The following MKLN1 variants were observed in gnomAD, a reference collection of about 807,000 sequenced individuals.
The protein encoded by MKLN1 is muskelin.
MKLN1 carries 18 observed loss-of-function variants against 99.0 expected under a neutral mutation model. The ratio of observed to expected loss-of-function variants is 0.18; its 90% confidence interval spans 0.13 to 0.27. The LOEUF is 0.27. MKLN1 is among the 10% of genes least tolerant of loss of function. The pLI, the probability that MKLN1 is intolerant of heterozygous loss-of-function variation, is 1.00. For missense variants in MKLN1, 621 were observed against 875.9 expected, an observed-to-expected ratio of 0.71 and a Z score of 3.67; for synonymous variants, 288 against 293.2, an observed-to-expected ratio of 0.98 and a Z score of 0.18.
intron 1 of MKLN1, among the ~76,000 whole-genome samples, chr7:131,120,961 G>T (rs2116194524): frequency 6.6e-6 from 1 of 152,272 alleles, no homozygotes. Context: ...GTATTAGTCT[G>T]TTCTCACACT....
At chr7:131,273,365 A>C (rs1420235923) in intron 3 of MKLN1, among the ~76,000 whole-genome samples, 1 of 152,120 alleles carries the variant, frequency 6.6e-6, no homozygotes, top group African/African-American at 2.4e-5. Context: ...TTTTAGCATC[A>C]GATTTCCCTG....
Position 131,473,728 on chromosome 7 carries a change from G to A in MKLN1, c.2031+2784G>A, listed in dbSNP as rs577959001. 1.4e-4 allele frequency among the ~76,000 whole-genome samples: 21 copies of A among 152,236 alleles called. No homozygotes were observed. The South Asian group carries it at 4.1e-3, about 30-fold the overall frequency. On this transcript the variant is annotated intron_variant, in intron 16 of 17. Coordinates refer to ENST00000352689, the MANE Select transcript of MKLN1 (RefSeq NM_013255.5). ...GTTGTGTATCGATTCCCCATAATAGGTCAGGCATTCTAGGCAGAGGAGCTG... is the reference window on the plus strand; with the variant it reads ...GTTGTGTATCGATTCCCCATAATAGATCAGGCATTCTAGGCAGAGGAGCTG...
chr7:131,306,957 A>C (rs1395192112), intron 3 of MKLN1, among the ~76,000 whole-genome samples: 1 of 152,174 alleles, frequency 6.6e-6, no homozygotes, highest in Admixed American at 6.5e-5. Context: ...GAGGCCTAGG[A>C]GGGAAAAATG....
intron 3 of MKLN1, among the ~76,000 whole-genome samples, chr7:131,239,445 A>G (rs919463670): frequency 1.3e-5 from 2 of 151,916 alleles, no homozygotes; most frequent in Non-Finnish European, 2.9e-5. Context: ...TCAGCCTCCC[A>G]AGTAGCTAGG....
In MKLN1 at chr7:131,161,959, GTGTGTATATATATATATA is replaced by G. The variant is rs765412613; in HGVS notation, c.-297+19020_-297+19037del. ...TATACACATATATATACGTGTGTGT[GTGTGTATATATATATATA>G]TATATATATATATATATATATATGT... On this transcript the variant is annotated intron_variant, in intron 2 of 7. Transcript: ENST00000416992. 2.0e-3 allele frequency among the ~76,000 whole-genome samples: 137 copies of G among 67,832 alleles called. 2 individuals carry two copies. Among genetic ancestry groups the G allele is most frequent in the African/African-American group, 6.2e-3 (122 of 19,636 alleles). 44.5% of individuals were successfully genotyped at this position (67,832 alleles called of 152,430 possible). A position where few individuals can be genotyped will look rare whatever the true frequency, so the allele number is the denominator to read the frequency against.
chr7:131,204,794 C>A (rs1032699861), intron 3 of MKLN1, among the ~76,000 whole-genome samples: 8 of 152,168 alleles, frequency 5.3e-5, no homozygotes, highest in Admixed American at 2.0e-4. Flanking sequence ...ATTAGCCAGG[C>A]GTGGTGGCAG....
At chr7:131,461,302 A>G (rs1796508335) in intron 12 of MKLN1, among the ~76,000 whole-genome samples, 1 of 151,202 alleles carries the variant, frequency 6.6e-6, no homozygotes, top group African/African-American at 2.4e-5. Context: ...TGAATCCTTG[A>G]ACATAGAACC....
chr7:131,473,238 G>A (rs1013241311), intron 16 of MKLN1, among the ~76,000 whole-genome samples: 5 of 152,166 alleles, frequency 3.3e-5, no homozygotes, highest in African/African-American at 1.2e-4. Context: ...CACTCATTGA[G>A]AAGGGGCTTA....
At chr7:131,226,703 A>G (rs977093586) in intron 3 of MKLN1, among the ~76,000 whole-genome samples, 10 of 152,118 alleles carry the variant, frequency 6.6e-5, no homozygotes, top group African/African-American at 2.2e-4. Flanking sequence ...TGAGAATGGG[A>G]CTATTCCTGG....
chr7:131,378,910 A>T (rs921626005), intron 2 of MKLN1, among the ~76,000 whole-genome samples: 1 of 151,116 alleles, frequency 6.6e-6, no homozygotes, highest in Non-Finnish European at 1.5e-5. Context: ...GGAAGCTGGA[A>T]CCTTAAAGCA....
At chr7:131,180,470 G>A (rs764505650) in intron 2 of MKLN1, among the ~76,000 whole-genome samples, 19 of 152,048 alleles carry the variant, frequency 1.2e-4, no homozygotes, top group Non-Finnish European at 1.9e-4. Context: ...AGGCCGAGGC[G>A]GGCGGATCAC....
In MKLN1 at chr7:131,489,976, T is replaced by C. The variant is rs907882086; in HGVS notation, c.*2248T>C. On this transcript the variant is annotated 3_prime_UTR_variant, in exon 18 of 18. Transcript: ENST00000352689. Reference sequence around the variant, plus strand: ...AAGTGAGATAGATGTACTGAGGAGATAATTGAAAAGTCAGACTCTGTACTG... The same window carrying C: ...AAGTGAGATAGATGTACTGAGGAGACAATTGAAAAGTCAGACTCTGTACTG... 1 of 152,398 alleles carries C rather than the reference T, an allele frequency of 6.6e-6. No homozygotes were observed. The highest frequency in any genetic ancestry group is 1.5e-5 in the Non-Finnish European group (1 of 68,006). 9.4% of individuals were successfully genotyped at this position (152,398 alleles called of 1,614,324 possible). A position where few individuals can be genotyped will look rare whatever the true frequency, so the allele number is the denominator to read the frequency against.
intron 1 of MKLN1, among the ~76,000 whole-genome samples, chr7:131,345,844 C>A (rs1054171758): frequency 6.6e-6 from 1 of 152,130 alleles, no homozygotes; most frequent in Non-Finnish European, 1.5e-5. Flanking sequence ...GTATCTAATA[C>A]CTTTACTGTA....
chr7:131,175,352 C>A (rs1796283544), intron 2 of MKLN1, among the ~76,000 whole-genome samples: 1 of 152,094 alleles, frequency 6.6e-6, no homozygotes, highest in East Asian at 1.9e-4. Flanking sequence ...ATAGCTTAAG[C>A]AAAGACAGGG....
intron 3 of MKLN1, among the ~76,000 whole-genome samples, chr7:131,307,106 C>A (rs1391549174): frequency 6.6e-6 from 1 of 151,876 alleles, no homozygotes; most frequent in Non-Finnish European, 1.5e-5. Context: ...CTAAAAGGGG[C>A]CAAGGTACAG....
chr7:131,239,954 G>A (rs1412901838), intron 3 of MKLN1, among the ~76,000 whole-genome samples: 3 of 152,206 alleles, frequency 2.0e-5, no homozygotes, highest in Non-Finnish European at 4.4e-5. Flanking sequence ...GGCTGAGGCA[G>A]GATGATCACT....
rs1796310938 is a variant in MKLN1, at chr7:131,177,179, A to G, written c.-296-25678A>G. ...TTTGTAAATGTTCCATACACATATA[A>G]AAAGATTGGGCAGGGCGCAGTGGCT... On this transcript the variant is annotated intron_variant, in intron 2 of 7. Coordinates refer to the MKLN1 transcript ENST00000416992. Among the ~76,000 whole-genome samples, 5 of 152,284 alleles carry G rather than the reference A, an allele frequency of 3.3e-5. 1 individual carries two copies. In the South Asian group the frequency reaches 1.0e-3, roughly 32 times the overall value.
At chr7:131,188,521 G>A (rs1374597320) in intron 2 of MKLN1, among the ~76,000 whole-genome samples, 2 of 152,182 alleles carry the variant, frequency 1.3e-5, no homozygotes, top group East Asian at 1.9e-4. Flanking sequence ...TCCTCCAGCC[G>A]GCTAGCCTGG....
intron 3 of MKLN1, among the ~76,000 whole-genome samples, chr7:131,245,193 A>AT (rs1797467326): frequency 6.6e-6 from 1 of 152,142 alleles, no homozygotes; most frequent in Non-Finnish European, 1.5e-5. Flanking sequence ...TGATACAGTC[A>AT]AGTGCTGCAT....
Sources: gnomAD v4.1 joint callset for allele counts (sites outside exome capture counted in the v4.1 genomes callset) on GRCh38, gnomAD v4.1.1 for gene constraint, MANE v1.5 for transcripts, NCBI Gene and HGNC (gene_info 2026-07-23, HGNC 2026-07-21) for gene names.